The following NUP160 variants were observed in gnomAD, a reference collection of about 807,000 sequenced individuals.
NUP160 encodes nuclear pore complex protein Nup160.
Under a neutral mutation model 196.9 loss-of-function variants are expected in NUP160, and 94 were observed. The observed-to-expected ratio is 0.48, with a 90% confidence interval of 0.40 to 0.57. The LOEUF is 0.57. NUP160 is among the 20% of genes least tolerant of loss of function. The probability of loss-of-function intolerance (pLI) is 0.00; values close to 1 mark genes in which losing one functional copy is unlikely to be tolerated. For missense variants in NUP160, 1,638 were observed against 1,748.3 expected, an observed-to-expected ratio of 0.94 and a Z score of 1.13; for synonymous variants, 605 against 619.7, an observed-to-expected ratio of 0.98 and a Z score of 0.35.
exon 13 of NUP160, chr11:47,815,578 G>A: frequency 6.2e-7 from 1 of 1,613,092 alleles, no homozygotes; most frequent in Non-Finnish European, 8.5e-7. Context: ...CATAGAACTT[G>A]CACCAGAATT....
intron 17 of NUP160, among the ~76,000 whole-genome samples, chr11:47,809,366 T>A (rs559252872): frequency 1.3e-5 from 2 of 151,922 alleles, no homozygotes; most frequent in Non-Finnish European, 2.9e-5. Flanking sequence ...ATAAGCAAAT[T>A]TGGCAGTACT....
intron 29 of NUP160, among the ~76,000 whole-genome samples, chr11:47,790,859 TCTC>T (rs1379633761): frequency 2.6e-5 from 4 of 152,152 alleles, no homozygotes; most frequent in Non-Finnish European, 5.9e-5. Flanking sequence ...AGAAGCTGCT[TCTC>T]CTGTATCTTG....
intron 17 of NUP160, among the ~76,000 whole-genome samples, chr11:47,809,775 T>C (rs1833412196): frequency 1.4e-5 from 2 of 139,020 alleles, no homozygotes; most frequent in South Asian, 2.3e-4. Flanking sequence ...CGGAAAATTA[T>C]GGACATAAAG....
At chr11:47,795,750 A>G (rs556214137) in intron 27 of NUP160, among the ~76,000 whole-genome samples, 1 of 152,316 alleles carries the variant, frequency 6.6e-6, no homozygotes, top group African/African-American at 2.4e-5. Context: ...CAATGTCATC[A>G]AAGGCAAAGT....
exon 1 of NUP160, chr11:47,848,443 C>T: frequency 2.0e-6 from 3 of 1,508,492 alleles, no homozygotes; most frequent in South Asian, 1.2e-5. Flanking sequence ...AAGGCGGCTC[C>T]GGCCCTTCGT....
chr11:47,785,284 T>C (rs187362281), intron 32 of NUP160, among the ~76,000 whole-genome samples: 19 of 152,006 alleles, frequency 1.2e-4, no homozygotes, highest in Admixed American at 1.2e-3. Flanking sequence ...CATGCACCAC[T>C]ATGCCCAGCT....
chr11:47,847,914 G>A lies in NUP160; in HGVS notation c.248C>T (p.Ala83Val), dbSNP rs369941530. The A allele has an allele frequency of 1.2e-5, 19 of 1,614,094 alleles. No homozygotes were observed. The African/African-American group carries it at 2.0e-4, about 17-fold the overall frequency. ...ACTCTCCACGTAGTAAAAGCCTCCC[G>A]CGCTTTCACTGTATTTTACGGCGCC... The change falls in exon 2 of 36, where the codon GCG becomes GTG. Residue 83 changes from alanine (A) to valine (V), a missense_variant. Around this residue, in one of 3 missense-constraint regions of NUP160, gnomAD observed 287 missense variants for 259.5 expected, o/e 1.11. Coordinates refer to ENST00000378460, the Ensembl canonical transcript of NUP160.
chr11:47,819,594 ATTTT>A, intron 9 of NUP160, 136 bp from the exon 10 acceptor site: 1 of 484,884 alleles, frequency 2.1e-6, no homozygotes, highest in East Asian at 3.4e-5. Context: ...TATTAAAAAC[ATTTT>A]TTTTTAAATA....
Position 47,784,885 on chromosome 11 carries a change from G to A in NUP160, c.3990+37C>T, listed in dbSNP as rs769491617. ...ATGAAGTTATCCAGAATGATAAAGAGTGGGTTCTTACTCTGTACAAGTTAT... is the reference window on the plus strand; with the variant it reads ...ATGAAGTTATCCAGAATGATAAAGAATGGGTTCTTACTCTGTACAAGTTAT... On this transcript the variant is annotated intron_variant, in intron 33 of 35. Transcript: ENST00000378460. The A allele has an allele frequency of 9.6e-6, 14 of 1,459,416 alleles. No individual in the cohort carries two copies. The Admixed American group carries it at 1.7e-4, about 18-fold the overall frequency. 90.4% of individuals were successfully genotyped at this position (1,459,416 alleles called of 1,614,324 possible). A position where few individuals can be genotyped will look rare whatever the true frequency, so the allele number is the denominator to read the frequency against.
chr11:47,797,795 G>T, exon 27 of NUP160: 1 of 1,611,732 alleles, frequency 6.2e-7, no homozygotes, highest in Non-Finnish European at 8.5e-7. Context: ...GGTAATTGTG[G>T]CGATAGATGT....
intron 32 of NUP160, among the ~76,000 whole-genome samples, chr11:47,785,570 CGTATTTA>C (rs2097664062): frequency 1.3e-5 from 2 of 152,184 alleles, no homozygotes; most frequent in Admixed American, 6.5e-5. Context: ...CTCCCACTAA[CGTATTTA>C]GTATTTAGTA....
chr11:47,844,435 T>C (rs1852362323), intron 2 of NUP160, among the ~76,000 whole-genome samples: 2 of 152,138 alleles, frequency 1.3e-5, no homozygotes, highest in African/African-American at 2.4e-5. Flanking sequence ...TCTTTCTTAT[T>C]ATTCTACCCT....
intron 2 of NUP160, among the ~76,000 whole-genome samples, chr11:47,842,118 T>A (rs946161032): frequency 9.9e-5 from 15 of 151,996 alleles, no homozygotes; most frequent in Admixed American, 6.6e-4. Flanking sequence ...TTTTAAACAG[T>A]CTCTTCTCAT....
Position 47,803,422 on chromosome 11 carries a change from T to A in NUP160, c.2775+16A>T, listed in dbSNP as rs577807520. The A allele has an allele frequency of 5.4e-6, 8 of 1,476,206 alleles. No individual in the cohort carries two copies. The South Asian group carries it at 9.1e-5, about 17-fold the overall frequency. The allele number at this position is 1,476,206 out of a possible 1,614,324, so 91.4% of individuals were successfully genotyped here. A position where few individuals can be genotyped will look rare whatever the true frequency, so the allele number is the denominator to read the frequency against. On this transcript the variant is annotated intron_variant, in intron 22 of 35. Coordinates refer to ENST00000378460, the Ensembl canonical transcript of NUP160. Reference sequence around the variant, plus strand: ...TAAAGTTTATAAAGTTTATTTGCCATTCAAATGTAGTTTACCTTCTGTCCT... The same window carrying A: ...TAAAGTTTATAAAGTTTATTTGCCAATCAAATGTAGTTTACCTTCTGTCCT...
At chr11:47,829,719 A>G (rs1852037587) in intron 7 of NUP160, among the ~76,000 whole-genome samples, 3 of 152,234 alleles carry the variant, frequency 2.0e-5, no homozygotes, top group Admixed American at 2.0e-4. Context: ...AAATCAACTC[A>G]AGATGGATTA....
chr11:47,844,250 T>C (rs1393595859), intron 2 of NUP160, among the ~76,000 whole-genome samples: 1 of 152,162 alleles, frequency 6.6e-6, no homozygotes, highest in Non-Finnish European at 1.5e-5. Flanking sequence ...GCACCTACCC[T>C]TTCCCCCACC....
intron 7 of NUP160, among the ~76,000 whole-genome samples, chr11:47,825,722 G>A (rs914789572): frequency 1.1e-4 from 17 of 152,122 alleles, no homozygotes; most frequent in Middle Eastern, 3.4e-3. Flanking sequence ...CAAAATGTTG[G>A]GATTACAGGC....
chr11:47,811,234 C>A (rs973227818), intron 17 of NUP160, among the ~76,000 whole-genome samples: 2 of 152,056 alleles, frequency 1.3e-5, no homozygotes, highest in Non-Finnish European at 2.9e-5. Flanking sequence ...TTAGGTTGGG[C>A]AAGGTGGCTC....
intron 32 of NUP160, 110 bp from the exon 33 acceptor site, chr11:47,785,173 C>G: frequency 2.1e-6 from 1 of 485,296 alleles, no homozygotes. Context: ...CAGGGTCTTG[C>G]TCTGTCACCC....
Sources: allele counts gnomAD v4.1 joint callset (sites outside exome capture counted in the v4.1 genomes callset), GRCh38; gene constraint gnomAD v4.1.1; regional missense constraint gnomAD v4.1.1; transcripts MANE v1.5; gene names NCBI Gene and HGNC (gene_info 2026-07-23, HGNC 2026-07-21).